Variants in AUH observed in about 807,000 individuals in gnomAD.
AUH encodes methylglutaconyl-CoA hydratase, mitochondrial.
Under a neutral mutation model 42.3 loss-of-function variants are expected in AUH, and 29 were observed. That is an observed-to-expected ratio of 0.69 (90% CI 0.51 to 0.93). The LOEUF (loss-of-function observed/expected upper bound fraction) is 0.93, where lower values mean the gene tolerates loss of function less well. Ranked by LOEUF, AUH falls within the 40% of genes least tolerant of loss-of-function variation. The pLI, the probability that AUH is intolerant of heterozygous loss-of-function variation, is 0.00. For missense variants in AUH, 452 were observed against 438.1 expected (o/e 1.03, Z -0.28); for synonymous variants, 174 against 166.4 (o/e 1.05, Z -0.35).
intron 3 of AUH, among the ~76,000 whole-genome samples, chr9:91,328,147 TGCA>T (rs1417059180): frequency 3.3e-5 from 5 of 152,208 alleles, no homozygotes; most frequent in Non-Finnish European, 1.5e-5. Context: ...CATCCCCTTG[TGCA>T]CTGGATTCAA....
At chr9:91,334,047 T>C (rs10991888) in intron 3 of AUH, among the ~76,000 whole-genome samples, 106 of 152,266 alleles carry the variant, frequency 7.0e-4, no homozygotes, top group Non-Finnish European at 1.3e-3. Context: ...CTTTATGTAT[T>C]AGACAGATGT....
chr9:91,357,815 G>A (rs559013003), intron 1 of AUH, among the ~76,000 whole-genome samples: 5 of 152,298 alleles, frequency 3.3e-5, no homozygotes, highest in Admixed American at 3.3e-4. Flanking sequence ...CCTACGAGGG[G>A]GAGAAGAGAG....
chr9:91,244,615 T>C (rs1020578161), intron 6 of AUH, among the ~76,000 whole-genome samples: 1 of 151,608 alleles, frequency 6.6e-6, no homozygotes. Flanking sequence ...CTGTTAAGTA[T>C]GTTGGTAAGG....
intron 3 of AUH, among the ~76,000 whole-genome samples, chr9:91,328,576 C>T (rs1830116517): frequency 6.6e-6 from 1 of 152,076 alleles, no homozygotes; most frequent in Non-Finnish European, 1.5e-5. Context: ...AGTGGGGAGA[C>T]AAACACTGGC....
At chr9:91,341,000 G>C (rs1831061188) in intron 3 of AUH, among the ~76,000 whole-genome samples, 1 of 152,212 alleles carries the variant, frequency 6.6e-6, no homozygotes, top group Non-Finnish European at 1.5e-5. Context: ...AGTTCCCAGA[G>C]AAAGCCCTGA....
intron 3 of AUH, among the ~76,000 whole-genome samples, chr9:91,353,935 G>A (rs1832206686): frequency 6.6e-6 from 1 of 151,876 alleles, no homozygotes; most frequent in Non-Finnish European, 1.5e-5. Flanking sequence ...GGGATGCCGA[G>A]GCAGGTGGAT....
chr9:91,216,052 T>A lies in AUH; in HGVS notation c.942+7A>T, dbSNP rs754815850. The stretch of plus-strand genomic sequence containing the variant: ...ATCCTCATTGAATTTGTGATTGCAT[T>A]ACATACCTGAGCATAACAAGCTTCT... On this transcript the variant is annotated splice_region_variant and intron_variant, in intron 9 of 9. Transcript: ENST00000375731. The A allele has an allele frequency of 9.3e-6, 15 of 1,608,278 alleles. No individual in the cohort carries two copies. The Admixed American group carries it at 2.2e-4, about 23-fold the overall frequency.
intron 1 of AUH, among the ~76,000 whole-genome samples, chr9:91,357,260 C>G (rs1309378525): frequency 6.6e-6 from 1 of 152,196 alleles, no homozygotes; most frequent in Non-Finnish European, 1.5e-5. Context: ...CTCATGTAAT[C>G]CCCACCACAA....
intron 3 of AUH, among the ~76,000 whole-genome samples, chr9:91,343,558 G>A (rs922356512): frequency 6.6e-6 from 1 of 152,198 alleles, no homozygotes; most frequent in Admixed American, 6.5e-5. Flanking sequence ...GAGGCCAGGA[G>A]TCCGAGACCA....
chr9:91,248,259 G>A (rs944734207), intron 6 of AUH, among the ~76,000 whole-genome samples: 1 of 152,144 alleles, frequency 6.6e-6, no homozygotes, highest in African/African-American at 2.4e-5. Flanking sequence ...TGAAAAGCCT[G>A]TTCTTTCCTT....
At chr9:91,289,515 T>A (rs1436855976) in intron 6 of AUH, among the ~76,000 whole-genome samples, 1 of 151,780 alleles carries the variant, frequency 6.6e-6, no homozygotes, top group South Asian at 2.1e-4. Context: ...AAGTGACGCA[T>A]TTTCTTTTAA....
intron 1 of AUH, among the ~76,000 whole-genome samples, chr9:91,357,265 C>G (rs1029920463): frequency 1.2e-4 from 19 of 152,202 alleles, no homozygotes; most frequent in African/African-American, 4.6e-4. Context: ...GTAATCCCCA[C>G]CACAACCCAA....
At chr9:91,240,691 A>G (rs889640970) in intron 6 of AUH, among the ~76,000 whole-genome samples, 10 of 151,834 alleles carry the variant, frequency 6.6e-5, no homozygotes, top group African/African-American at 2.4e-4. Context: ...TTAAATTTAA[A>G]TCATTGCATG....
chr9:91,350,856 T>C (rs1831915488), intron 3 of AUH, among the ~76,000 whole-genome samples: 1 of 152,164 alleles, frequency 6.6e-6, no homozygotes. Context: ...ACTAATATAC[T>C]TTGTATTTTT....
rs986603161 is a variant in AUH at position 91,352,369 on chromosome 9, G to GTA, written c.418+3512_418+3513dup. 1.1e-4 allele frequency among the ~76,000 whole-genome samples: 17 copies of GTA among 151,832 alleles called. No homozygotes were observed. In the East Asian group the frequency reaches 1.5e-3, roughly 14 times the overall value. On this transcript the variant is annotated intron_variant, in intron 3 of 9. Transcript: ENST00000375731. ...TTATGGAGCACATGACTGTATTTGT[G>GTA]TATATATATACATATATATAAAATA...
At chr9:91,307,885 G>C (rs1828352959) in intron 4 of AUH, among the ~76,000 whole-genome samples, 1 of 152,062 alleles carries the variant, frequency 6.6e-6, no homozygotes, top group Non-Finnish European at 1.5e-5. Flanking sequence ...TAAGAAAAAA[G>C]GGTGGGAGAA....
chr9:91,350,056 A>G (rs1564128048), intron 3 of AUH, among the ~76,000 whole-genome samples: 1 of 152,246 alleles, frequency 6.6e-6, no homozygotes, highest in African/African-American at 2.4e-5. Flanking sequence ...AATTTGGGGT[A>G]TAGCACACCA....
At chr9:91,260,793 G>A (rs1196434586) in intron 6 of AUH, among the ~76,000 whole-genome samples, 2 of 152,092 alleles carry the variant, frequency 1.3e-5, no homozygotes, top group African/African-American at 4.8e-5. Context: ...GGTCACTGAG[G>A]CTCTGTTCGT....
In AUH at chr9:91,284,884, C is replaced by T. The variant is rs548592447; in HGVS notation, c.655+11137G>A. On this transcript the variant is annotated intron_variant, in intron 6 of 9. Transcript: ENST00000375731. ...GTGGGACTCTAAACTAGTTCAACCACTGTGGAAGACAGTGTGGCAATTCCT... is the reference window on the plus strand; with the variant it reads ...GTGGGACTCTAAACTAGTTCAACCATTGTGGAAGACAGTGTGGCAATTCCT... 9.2e-5 allele frequency among the ~76,000 whole-genome samples: 14 copies of T among 152,258 alleles called. No homozygotes were observed. The South Asian group carries it at 1.9e-3, about 20-fold the overall frequency.
Sources: allele counts gnomAD v4.1 joint callset (sites outside exome capture counted in the v4.1 genomes callset), GRCh38; gene constraint gnomAD v4.1.1; transcripts MANE v1.5; gene names NCBI Gene and HGNC (gene_info 2026-07-23, HGNC 2026-07-21).